Variants in PHACTR3 observed in about 807,000 individuals in gnomAD.
The protein encoded by PHACTR3 is protein phosphatase 1, regulatory subunit 123.
Under a neutral mutation model 66.8 loss-of-function variants are expected in PHACTR3, and 16 were observed. The ratio of observed to expected loss-of-function variants is 0.24; its 90% CI spans 0.16 to 0.36. The LOEUF (loss-of-function observed/expected upper bound fraction) is 0.36. Ranked by LOEUF, PHACTR3 falls within the 10% of genes least tolerant of loss-of-function variation. The pLI is 1.00. For synonymous variants in PHACTR3, 323 were observed against 292.1 expected, an observed-to-expected ratio of 1.11 and a Z score of -1.08; for missense variants, 647 against 719.9, an observed-to-expected ratio of 0.90 and a Z score of 1.16.
At chr20:59,718,860 G>T (rs1191026274) in intron 1 of PHACTR3, among the ~76,000 whole-genome samples, 1 of 152,254 alleles carries the variant, frequency 6.6e-6, no homozygotes, top group East Asian at 1.9e-4. Context: ...GTTGCAAGCA[G>T]CTGTGAATGG....
At position 59,736,662 on chromosome 20, in the gene PHACTR3, G is replaced by A. The variant is rs529314931; in HGVS notation, c.119-6445G>A. ...CCCACCAGCATCCGCAGGCCACACC[G>A]TGCCGTGGATGACCACACCTGCCCC... On this transcript the variant is annotated intron_variant, in intron 1 of 12. Transcript: ENST00000371015. This position sits in a 1 kb window ranked among gnomAD's most constrained non-coding sequence, Gnocchi z 4.6. Among the ~76,000 whole-genome samples the A allele has an allele frequency of 7.9e-5, 12 of 152,260 alleles. No homozygotes were observed. Among genetic ancestry groups the A allele is most frequent in the Admixed American group, 3.3e-4 (5 of 15,302 alleles).
intron 1 of PHACTR3, among the ~76,000 whole-genome samples, chr20:59,606,303 T>TTC (rs545386687): frequency 1.3e-5 from 2 of 151,152 alleles, no homozygotes; most frequent in Middle Eastern, 3.4e-3. Flanking sequence ...ACTGGATCCC[T>TTC]CCCCCCCCCA....
intron 1 of PHACTR3, among the ~76,000 whole-genome samples, chr20:59,675,836 C>A (rs2036432554): frequency 6.6e-6 from 1 of 152,204 alleles, no homozygotes; most frequent in Non-Finnish European, 1.5e-5. Context: ...CCCCAGCTGA[C>A]CCTATGTTCC....
At chr20:59,846,737 T>A (rs112867952) in intron 12 of PHACTR3, among the ~76,000 whole-genome samples, 35 of 152,324 alleles carry the variant, frequency 2.3e-4, no homozygotes, top group Middle Eastern at 3.4e-3. Flanking sequence ...TTAAGAGTTT[T>A]AAAATTACTA....
chr20:59,632,026 C>T (rs1248974681), intron 1 of PHACTR3, among the ~76,000 whole-genome samples: 1 of 152,188 alleles, frequency 6.6e-6, no homozygotes, highest in African/African-American at 2.4e-5. Flanking sequence ...GAACCTGCCT[C>T]CCTATCGTCC....
At chr20:59,813,782 G>A (rs926333085) in intron 8 of PHACTR3, among the ~76,000 whole-genome samples, 1 of 152,198 alleles carries the variant, frequency 6.6e-6, no homozygotes, top group African/African-American at 2.4e-5. Flanking sequence ...CATGGGTCCA[G>A]GTGGTGGAGG....
At chr20:59,614,794 A>C (rs2033974911) in intron 1 of PHACTR3, among the ~76,000 whole-genome samples, 2 of 152,192 alleles carry the variant, frequency 1.3e-5, no homozygotes, top group African/African-American at 2.4e-5. Flanking sequence ...CTAGCTCTGG[A>C]GTTTCAATGA....
intron 8 of PHACTR3, among the ~76,000 whole-genome samples, chr20:59,826,326 C>T (rs974380678): frequency 6.6e-6 from 1 of 152,142 alleles, no homozygotes; most frequent in Non-Finnish European, 1.5e-5. Context: ...CACAGATCTT[C>T]GCTGAGTGTC....
chr20:59,711,565 A>T (rs1005908702), intron 1 of PHACTR3, among the ~76,000 whole-genome samples: 1 of 152,206 alleles, frequency 6.6e-6, no homozygotes. Context: ...TCAAAAATGC[A>T]TTTAATATAC....
rs1600884801 is a variant in PHACTR3 at position 59,598,179 on chromosome 20, G to A, written c.109+20562G>A. Reference sequence around the variant, plus strand: ...CCCCGGGTTGTGTTTCTCTGCTCTGGGTTCTGTCTTCTATCTCTGCTGCCT... The same window carrying A: ...CCCCGGGTTGTGTTTCTCTGCTCTGAGTTCTGTCTTCTATCTCTGCTGCCT... On this transcript the variant is annotated intron_variant, in intron 1 of 12. Transcript: ENST00000359926. Among the ~76,000 whole-genome samples the A allele has an allele frequency of 4.6e-5, 7 of 152,316 alleles. No homozygotes were observed. The South Asian group carries it at 1.4e-3, about 32-fold the overall frequency.
upstream of PHACTR3, among the ~76,000 whole-genome samples, chr20:59,602,387 C>G (rs2033502685): frequency 6.6e-6 from 1 of 150,536 alleles, no homozygotes; most frequent in Non-Finnish European, 1.5e-5. Flanking sequence ...ACTATGATTG[C>G]CCCCGTGAAT....
chr20:59,794,876 GTATCTA>G (rs1256995768), intron 7 of PHACTR3, among the ~76,000 whole-genome samples: 1 of 152,020 alleles, frequency 6.6e-6, no homozygotes, highest in Non-Finnish European at 1.5e-5. Context: ...TCCTTCTGTG[GTATCTA>G]ATGTTCCATT....
intron 5 of PHACTR3, among the ~76,000 whole-genome samples, chr20:59,772,417 G>A (rs537373392): frequency 2.0e-5 from 3 of 152,218 alleles, no homozygotes; most frequent in Non-Finnish European, 2.9e-5. Flanking sequence ...AACAGACTGG[G>A]CAGCGTGATT....
intron 1 of PHACTR3, among the ~76,000 whole-genome samples, chr20:59,581,899 C>T (rs530926215): frequency 1.3e-5 from 2 of 150,362 alleles, no homozygotes; most frequent in Admixed American, 6.6e-5. Flanking sequence ...AAAAAAAAGT[C>T]CTAGCCTGTA....
chr20:59,792,392 G>A (rs2041131689), intron 7 of PHACTR3, among the ~76,000 whole-genome samples: 1 of 152,248 alleles, frequency 6.6e-6, no homozygotes, highest in Non-Finnish European at 1.5e-5. Context: ...GGAAAAATGT[G>A]AAGTGATCCT....
intron 1 of PHACTR3, among the ~76,000 whole-genome samples, chr20:59,616,209 G>T (rs1268150332): frequency 6.6e-6 from 1 of 152,182 alleles, no homozygotes; most frequent in Non-Finnish European, 1.5e-5. Context: ...GATGAATTCT[G>T]TAAAGCGTTT....
intron 1 of PHACTR3, among the ~76,000 whole-genome samples, chr20:59,691,638 T>C (rs1394816266): frequency 6.6e-6 from 1 of 152,224 alleles, no homozygotes; most frequent in Non-Finnish European, 1.5e-5. Context: ...TTCTTGTTTA[T>C]TTTTTATATA....
intron 1 of PHACTR3, among the ~76,000 whole-genome samples, chr20:59,728,187 C>T (rs527790305): frequency 7.9e-5 from 12 of 152,228 alleles, no homozygotes; most frequent in Admixed American, 2.0e-4. Flanking sequence ...CCACATCCCG[C>T]GGCAGCCACC....
At chr20:59,583,970 T>C (rs2032939924) in intron 1 of PHACTR3, among the ~76,000 whole-genome samples, 1 of 152,328 alleles carries the variant, frequency 6.6e-6, no homozygotes, top group South Asian at 2.1e-4. Context: ...ATTCAGCAGC[T>C]CTTGGGCCTC....
Sources: gnomAD v4.1 joint callset for allele counts (sites outside exome capture counted in the v4.1 genomes callset) on GRCh38, gnomAD v4.1.1 for gene constraint, Gnocchi (gnomAD v3.1) non-coding constraint, MANE v1.5 for transcripts, NCBI Gene and HGNC (gene_info 2026-07-23, HGNC 2026-07-21) for gene names.